KMT2E: variants seen among roughly 807,000 people sequenced by gnomAD.
The protein encoded by KMT2E is lysine methyltransferase 2E (inactive).
A neutral mutation model predicts 184.6 loss-of-function variants in KMT2E; 30 were observed. The ratio of observed to expected loss-of-function variants is 0.16; its 90% CI spans 0.12 to 0.22. KMT2E has a LOEUF of 0.22. Ranked by LOEUF, KMT2E falls within the 10% of genes least tolerant of loss-of-function variation. The pLI is 1.00. For missense variants in KMT2E, 2,023 were observed against 2,237.4 expected (o/e 0.90, Z 1.93); for synonymous variants, 815 against 776.5 (o/e 1.05, Z -0.82).
At chr7:105,053,268 A>C (rs983987129) in intron 3 of KMT2E, among the ~76,000 whole-genome samples, 1 of 152,156 alleles carries the variant, frequency 6.6e-6, no homozygotes, top group African/African-American at 2.4e-5. Flanking sequence ...TATGTTATCT[A>C]AGTGATTGTT....
intron 1 of KMT2E, among the ~76,000 whole-genome samples, chr7:105,028,862 A>G (rs565348755): frequency 3.0e-4 from 46 of 152,286 alleles, no homozygotes; most frequent in African/African-American, 9.6e-4. Flanking sequence ...AATAATTTGA[A>G]TTAAAGTCAT....
chr7:105,106,829 T>C, intron 20 of KMT2E, 57 bp downstream of exon 20: 1 of 1,541,458 alleles, frequency 6.5e-7, no homozygotes, highest in South Asian at 1.2e-5. Context: ...GGAATTTCTT[T>C]TAAGAGCTCT....
chr7:105,020,224 A>G (rs1352536437), intron 1 of KMT2E, among the ~76,000 whole-genome samples: 1 of 152,162 alleles, frequency 6.6e-6, no homozygotes, highest in Non-Finnish European at 1.5e-5. Flanking sequence ...ACTTGGTTGC[A>G]GCATTTAAGG....
intron 13 of KMT2E, among the ~76,000 whole-genome samples, chr7:105,084,197 C>T (rs1277965331): frequency 2.0e-5 from 3 of 152,132 alleles, no homozygotes; most frequent in Non-Finnish European, 2.9e-5. Flanking sequence ...TGGAGAACTA[C>T]AACTGCACAC....
At chr7:105,074,517 A>C in intron 7 of KMT2E, 126 bp from the exon 8 acceptor site, 1 of 619,092 alleles carries the variant, frequency 1.6e-6, no homozygotes. Context: ...AGGTGAGTGA[A>C]CAAGTTAAAA....
In KMT2E at chr7:105,048,119, C is replaced by T. The variant is rs537838614; in HGVS notation, c.71+7096C>T. 2.0e-5 allele frequency among the ~76,000 whole-genome samples: 3 copies of T among 152,246 alleles called. No individual in the cohort carries two copies. The East Asian group carries it at 5.8e-4, about 29-fold the overall frequency. On this transcript the variant is annotated intron_variant, in intron 3 of 26. Coordinates refer to ENST00000311117, the MANE Select transcript of KMT2E (RefSeq NM_182931.3). ...TAGTGTGATCATGGGTCACTGAAGCCTCCACCTCCCAGGCCCAAGCAGTCG... is the reference window on the plus strand; with the variant it reads ...TAGTGTGATCATGGGTCACTGAAGCTTCCACCTCCCAGGCCCAAGCAGTCG...
At chr7:105,022,853 G>C (rs1032241830) in intron 1 of KMT2E, among the ~76,000 whole-genome samples, 9 of 151,964 alleles carry the variant, frequency 5.9e-5, no homozygotes, top group African/African-American at 2.2e-4. Context: ...TCGTTTTCTT[G>C]TTTTTTCTTT....
At position 105,113,518 on chromosome 7, in the gene KMT2E, G is replaced by GTAT. The variant is rs1157304863; in HGVS notation, c.*188_*190dup. ...CTTTAAAAAATGTGCTGTTAAGCCA[G>GTAT]TATTAGGTATCTTTATTTTGTAAGT... On this transcript the variant is annotated 3_prime_UTR_variant, in exon 27 of 27. Coordinates refer to ENST00000311117, the MANE Select transcript of KMT2E (RefSeq NM_182931.3). The GTAT allele has an allele frequency of 3.6e-6, 2 of 555,866 alleles. No homozygotes were observed. The highest frequency in any genetic ancestry group is 3.4e-5 in the East Asian group (1 of 29,420). The allele number at this position is 555,866 out of a possible 1,614,324, so 34.4% of individuals were successfully genotyped here.
At chr7:105,083,263 A>G (rs1004168289) in intron 13 of KMT2E, among the ~76,000 whole-genome samples, 2 of 152,172 alleles carry the variant, frequency 1.3e-5, no homozygotes, top group African/African-American at 4.8e-5. Flanking sequence ...GTTCTGTTCC[A>G]TAGTGTTGAC....
intron 15 of KMT2E, among the ~76,000 whole-genome samples, chr7:105,100,499 AC>A (rs1419643966): frequency 6.6e-6 from 1 of 152,122 alleles, no homozygotes; most frequent in Non-Finnish European, 1.5e-5. Flanking sequence ...TAAGAACTGG[AC>A]AGTTGATGGA....
At chr7:105,016,773 T>C (rs1156261497) in intron 1 of KMT2E, among the ~76,000 whole-genome samples, 1 of 152,184 alleles carries the variant, frequency 6.6e-6, no homozygotes, top group African/African-American at 2.4e-5. Context: ...CACTGTTTCA[T>C]GATTCTTTTA....
chr7:105,112,611 C>T lies in KMT2E; in HGVS notation c.4855C>T (p.His1619Tyr). Residue 1619 changes from histidine to tyrosine, a missense_variant, in exon 27 of 27, where the codon CAT (histidine) becomes TAT (tyrosine). Around this residue, in one of 8 missense-constraint regions of KMT2E, gnomAD observed 1,108 missense variants for 1,050.9 expected, o/e 1.05. Transcript: ENST00000311117. The stretch of plus-strand genomic sequence containing the variant: ...GCCCTCTCAGAACCCTACCATTCAC[C>T]ATCAAACTGCTGCTGCCGTAGTCCC... ...FLPSQNPTIH[H>Y]QTAAAVVPPP... 1 of 1,613,970 alleles carries T rather than the reference C, an allele frequency of 6.2e-7. No individual in the cohort carries two copies. The highest frequency in any genetic ancestry group is 8.5e-7 in the Non-Finnish European group (1 of 1,179,988).
intron 15 of KMT2E, chr7:105,091,611 A>G: frequency 2.0e-6 from 1 of 503,600 alleles, no homozygotes; most frequent in Non-Finnish European, 3.5e-6. Context: ...TGCCACAATT[A>G]CTGTTCAGAA....
At chr7:105,108,345 G>GTGTTTAGTATTT (rs1185006771) in intron 22 of KMT2E, among the ~76,000 whole-genome samples, 8 of 152,170 alleles carry the variant, frequency 5.3e-5, no homozygotes, top group Admixed American at 5.2e-4. Flanking sequence ...ATGGATGTAA[G>GTGTTTAGTATTT]AGTGTTTTTA....
chr7:105,050,957 C>T (rs2129566081), intron 3 of KMT2E, among the ~76,000 whole-genome samples: 1 of 152,072 alleles, frequency 6.6e-6, no homozygotes, highest in East Asian at 1.9e-4. Context: ...AAACTCCTGG[C>T]CTCAAGTGGT....
At chr7:105,036,851 T>A (rs1405785305) in intron 1 of KMT2E, among the ~76,000 whole-genome samples, 2 of 152,220 alleles carry the variant, frequency 1.3e-5, no homozygotes, top group African/African-American at 4.8e-5. Flanking sequence ...TTTGGAATAA[T>A]CTGTTAATGT....
At chr7:105,076,699 G>C (rs1468429800) in intron 9 of KMT2E, among the ~76,000 whole-genome samples, 1 of 152,160 alleles carries the variant, frequency 6.6e-6, no homozygotes, top group Non-Finnish European at 1.5e-5. Flanking sequence ...TCTGGCTTAG[G>C]TAGAAAAGGA....
chr7:105,077,247 T>G, intron 10 of KMT2E, 54 bp downstream of exon 10: 1 of 1,601,440 alleles, frequency 6.2e-7, no homozygotes, highest in South Asian at 1.1e-5. Flanking sequence ...TGTGAATTTT[T>G]AGTTAAACTG....
At chr7:105,057,339 A>C (rs1796608494) in intron 3 of KMT2E, among the ~76,000 whole-genome samples, 5 of 152,228 alleles carry the variant, frequency 3.3e-5, no homozygotes, top group Admixed American at 2.0e-4. Context: ...AGATATATAC[A>C]TGACAGTATG....
Sources: allele counts gnomAD v4.1 joint callset (sites outside exome capture counted in the v4.1 genomes callset), GRCh38; gene constraint gnomAD v4.1.1; regional missense constraint gnomAD v4.1.1; transcripts MANE v1.5; gene names NCBI Gene and HGNC (gene_info 2026-07-23, HGNC 2026-07-21).